Variants in RORA observed in about 807,000 individuals in gnomAD.
The protein encoded by RORA is nuclear receptor ROR-alpha.
A neutral mutation model predicts 69.5 loss-of-function variants in RORA; 7 were observed. The observed-to-expected ratio is 0.10, with a 90% CI of 0.06 to 0.19. RORA has a LOEUF of 0.19. Among genes scored for constraint, RORA ranks in the 10% least tolerant of loss-of-function variants. The pLI is 1.00. For missense variants in RORA, 457 were observed against 663.0 expected (o/e 0.69, Z 3.41); for synonymous variants, 261 against 240.8 (o/e 1.08, Z -0.78).
chr15:60,809,570 C>A (rs1283955844), intron 1 of RORA, among the ~76,000 whole-genome samples: 3 of 152,150 alleles, frequency 2.0e-5, no homozygotes, highest in Non-Finnish European at 2.9e-5. Flanking sequence ...TATCTACTGA[C>A]CTTCCACGAC....
Position 60,497,331 on chromosome 15 carries a change from A to G in RORA, c.*124T>C. ...CCTCCTTTGCCTGACCCCGATCACC[A>G]AAAGATGTGCAGTGTGTGGCGCTCC... On this transcript the variant is annotated 3_prime_UTR_variant, in exon 11 of 11. Transcript: ENST00000335670. 1 of 722,942 alleles carries G rather than the reference A, an allele frequency of 1.4e-6. No individual in the cohort carries two copies. The highest frequency in any genetic ancestry group is 2.2e-6 in the Non-Finnish European group (1 of 445,728). 44.8% of individuals were successfully genotyped at this position (722,942 alleles called of 1,614,324 possible). A position where few individuals can be genotyped will look rare whatever the true frequency, so the allele number is the denominator to read the frequency against.
intron 1 of RORA, among the ~76,000 whole-genome samples, chr15:60,724,560 T>C (rs1007610606): frequency 6.6e-6 from 1 of 152,176 alleles, no homozygotes; most frequent in East Asian, 1.9e-4. Context: ...TAGCTTTCCC[T>C]ATTGTTTGAC....
intron 1 of RORA, among the ~76,000 whole-genome samples, chr15:61,069,719 GA>G (rs5813066): frequency 0.097 from 14,256 of 147,126 alleles, 886 homozygotes; most frequent in Non-Finnish European, 0.14. Context: ...ATTGCTTGAG[GA>G]AAAAAAAAAG....
rs558549435 is a variant in RORA, at chr15:61,171,590, T to G, written c.166+57463A>C. On this transcript the variant is annotated intron_variant, in intron 1 of 10. Transcript: ENST00000335670. ...CACTGGTCCCCACCCACTCCACTTC[T>G]GGACTTCTGCAGAGCTGCTAGCCCT... Among the ~76,000 whole-genome samples, 33 of 152,290 alleles carry G rather than the reference T, an allele frequency of 2.2e-4. No individual in the cohort carries two copies. The South Asian group carries it at 6.8e-3, about 32-fold the overall frequency.
intron 2 of RORA, among the ~76,000 whole-genome samples, chr15:60,629,021 C>A (rs1050958631): frequency 6.6e-6 from 1 of 152,006 alleles, no homozygotes; most frequent in Non-Finnish European, 1.5e-5. Context: ...ATTTCTACCC[C>A]TCTTCTCTCA....
intron 1 of RORA, among the ~76,000 whole-genome samples, chr15:60,707,280 C>G (rs1044152413): frequency 1.5e-4 from 23 of 152,246 alleles, no homozygotes; most frequent in Admixed American, 5.9e-4. Flanking sequence ...TAGCTTGCCC[C>G]TCATACAAGT....
At chr15:60,822,816 A>T (rs146670900) in intron 1 of RORA, among the ~76,000 whole-genome samples, 3 of 152,280 alleles carry the variant, frequency 2.0e-5, no homozygotes, top group African/African-American at 7.2e-5. Flanking sequence ...TTTCGTTTAA[A>T]GGCACCACCC....
At chr15:61,096,863 T>C (rs2078798334) in intron 1 of RORA, among the ~76,000 whole-genome samples, 1 of 152,228 alleles carries the variant, frequency 6.6e-6, no homozygotes, top group African/African-American at 2.4e-5. Context: ...TTCTCTCTGG[T>C]GCAGCGCTTT....
At chr15:60,965,841 T>G (rs907704315) in intron 1 of RORA, among the ~76,000 whole-genome samples, 1 of 152,204 alleles carries the variant, frequency 6.6e-6, no homozygotes, top group African/African-American at 2.4e-5. Context: ...CTCACACTTA[T>G]GACCCTACTA....
chr15:60,634,553 C>T (rs1455876299), intron 2 of RORA, among the ~76,000 whole-genome samples: 5 of 151,744 alleles, frequency 3.3e-5, no homozygotes, highest in Admixed American at 6.6e-5. Context: ...TACAGGCGCC[C>T]GCCACCACGC....
intron 1 of RORA, among the ~76,000 whole-genome samples, chr15:60,986,581 C>G (rs1309991963): frequency 6.6e-6 from 1 of 152,170 alleles, no homozygotes; most frequent in African/African-American, 2.4e-5. Flanking sequence ...TAGACATGGG[C>G]TCATCTGAGG....
At chr15:61,006,071 C>T (rs772639324) in intron 1 of RORA, among the ~76,000 whole-genome samples, 102 of 152,102 alleles carry the variant, frequency 6.7e-4, no homozygotes, top group Non-Finnish European at 1.3e-3. Context: ...TGGGTTCAAG[C>T]GGTTCTCCTG....
At chr15:61,156,757 C>T (rs1644661223) in intron 1 of RORA, among the ~76,000 whole-genome samples, 1 of 152,204 alleles carries the variant, frequency 6.6e-6, no homozygotes, top group African/African-American at 2.4e-5. Context: ...GATGTTAAAT[C>T]TGAGGTGAAA....
intron 1 of RORA, among the ~76,000 whole-genome samples, chr15:61,056,126 G>T (rs1488149127): frequency 6.6e-6 from 1 of 152,184 alleles, no homozygotes; most frequent in East Asian, 1.9e-4. Flanking sequence ...GCAGATTAAA[G>T]AAAAGAGCTA....
At chr15:60,605,181 G>A (rs1240045769) in intron 2 of RORA, among the ~76,000 whole-genome samples, 1 of 151,782 alleles carries the variant, frequency 6.6e-6, no homozygotes, top group Non-Finnish European at 1.5e-5. Flanking sequence ...GATATACTAT[G>A]TACATGTCAC....
intron 1 of RORA, among the ~76,000 whole-genome samples, chr15:60,983,955 T>C (rs1020357383): frequency 2.6e-5 from 4 of 152,192 alleles, no homozygotes; most frequent in Non-Finnish European, 5.9e-5. Flanking sequence ...TTTGTAAACA[T>C]AGAGAAGAGG....
At chr15:60,719,503 T>C (rs188284920) in intron 1 of RORA, among the ~76,000 whole-genome samples, 389 of 152,270 alleles carry the variant, frequency 2.6e-3, no homozygotes, top group Middle Eastern at 6.8e-3. Context: ...AAAAATAGTT[T>C]ACACAACAAT....
At chr15:61,098,137 CTCCT>C (rs1478215912) in intron 1 of RORA, among the ~76,000 whole-genome samples, 4 of 123,720 alleles carry the variant, frequency 3.2e-5, no homozygotes, top group Middle Eastern at 3.9e-3. Flanking sequence ...CCCTCCCTCC[CTCCT>C]TCTTTCCCTC....
chr15:60,502,126 G>A (rs912392360), intron 8 of RORA, among the ~76,000 whole-genome samples: 4 of 152,038 alleles, frequency 2.6e-5, no homozygotes, highest in Non-Finnish European at 4.4e-5. Context: ...GACTACAGGC[G>A]TGTGCCACCA....
Sources: gnomAD v4.1 joint callset for allele counts (sites outside exome capture counted in the v4.1 genomes callset) on GRCh38, gnomAD v4.1.1 for gene constraint, MANE v1.5 for transcripts, NCBI Gene and HGNC (gene_info 2026-07-23, HGNC 2026-07-21) for gene names.